The following ABCB1 variants were observed in gnomAD, a reference collection of about 807,000 sequenced individuals.
The protein encoded by ABCB1 is ATP binding cassette subfamily B member 1.
ABCB1 carries 69 observed loss-of-function variants against 142.0 expected under a neutral mutation model. The ratio of observed to expected loss-of-function variants is 0.49; its 90% CI spans 0.40 to 0.59. The LOEUF is 0.59. Ranked by LOEUF, ABCB1 falls within the 20% of genes least tolerant of loss-of-function variation. The pLI is 0.00. For missense variants in ABCB1, 1,326 were observed against 1,554.7 expected (o/e 0.85, Z 2.47); for synonymous variants, 532 against 539.2 (o/e 0.99, Z 0.18).
rs1245427018 is a variant in ABCB1 at position 87,703,887 on chromosome 7, TTTTTTTTTTTTTTTTTTTTTTTTTTGG to T, written c.-331+9247_-331+9273del. On this transcript the variant is annotated intron_variant, in intron 1 of 28. Transcript: ENST00000265724. ...TAGGTGAGCTTTATCAGTTTTTTCTTTTTTTTTTTTTTTTTTTTTTTTTTTGGTTTTTTTTTTTTTTTTTTTTTTTTT... is the reference window on the plus strand; with the variant it reads ...TAGGTGAGCTTTATCAGTTTTTTCTTTTTTTTTTTTTTTTTTTTTTTTTTT... 3.6e-3 allele frequency among the ~76,000 whole-genome samples: 193 copies of T among 52,956 alleles called. 3 individuals carry two copies. The highest frequency in any genetic ancestry group is 4.9e-3 in the Non-Finnish European group (138 of 28,356). The allele number at this position is 52,956 out of a possible 152,430, so 34.7% of individuals were successfully genotyped here. A position where few individuals can be genotyped will look rare whatever the true frequency, so the allele number is the denominator to read the frequency against.
chr7:87,634,225 G>A (rs1480067204), intron 1 of ABCB1, among the ~76,000 whole-genome samples: 1 of 152,006 alleles, frequency 6.6e-6, no homozygotes, highest in Non-Finnish European at 1.5e-5. Flanking sequence ...TTCCTGCTAG[G>A]CCCCACCTCC....
chr7:87,699,250 T>C (rs563862621), intron 1 of ABCB1, among the ~76,000 whole-genome samples: 3 of 152,190 alleles, frequency 2.0e-5, no homozygotes, highest in African/African-American at 7.2e-5. Context: ...TTTCAAAATA[T>C]GAAAGCAAAT....
chr7:87,566,374 G>T (rs1400516790), intron 6 of ABCB1, 133 bp from the exon 7 acceptor site: 12 of 920,614 alleles, frequency 1.3e-5, no homozygotes, highest in Admixed American at 1.0e-4. Context: ...ATTTAGCAGG[G>T]TAGAAGTTTC....
At chr7:87,686,397 TG>T (rs1444041288) in intron 1 of ABCB1, among the ~76,000 whole-genome samples, 1 of 152,154 alleles carries the variant, frequency 6.6e-6, no homozygotes, top group African/African-American at 2.4e-5. Context: ...CTGTTTTTCT[TG>T]GATGGGTGAG....
chr7:87,561,257 T>G lies in ABCB1; in HGVS notation c.827+6A>C, dbSNP rs534095506. The stretch of plus-strand genomic sequence containing the variant: ...ATATCTATCCATTTAAAAAAGAAAC[T>G]CAAACCTTTCAAGTTCTTTCTTTTG... On this transcript the variant is annotated splice_donor_region_variant and intron_variant, in intron 8 of 27. Coordinates refer to ENST00000622132, the MANE Select transcript of ABCB1 (RefSeq NM_001348946.2). The G allele has an allele frequency of 1.2e-6, 2 of 1,613,622 alleles. No homozygotes were observed. The highest frequency in any genetic ancestry group is 1.1e-5 in the South Asian group (1 of 91,030).
At chr7:87,639,264 A>G (rs990500500) in intron 1 of ABCB1, among the ~76,000 whole-genome samples, 8 of 151,962 alleles carry the variant, frequency 5.3e-5, no homozygotes, top group Admixed American at 3.9e-4. Flanking sequence ...CAGAGAACAT[A>G]TTCTGAAAGA....
At chr7:87,538,868 T>C (rs1397565204) in intron 19 of ABCB1, among the ~76,000 whole-genome samples, 1 of 151,728 alleles carries the variant, frequency 6.6e-6, no homozygotes, top group Non-Finnish European at 1.5e-5. Flanking sequence ...AGTTTTGATT[T>C]GCGGAAAGAA....
At chr7:87,563,271 C>A in intron 7 of ABCB1, 1 of 344,192 alleles carries the variant, frequency 2.9e-6, no homozygotes, top group Non-Finnish European at 5.9e-6. Flanking sequence ...TGAAAATGTT[C>A]CAAAAAATTT....
At chr7:87,577,842 G>A (rs1818338089) in intron 4 of ABCB1, among the ~76,000 whole-genome samples, 1 of 152,172 alleles carries the variant, frequency 6.6e-6, no homozygotes, top group Non-Finnish European at 1.5e-5. Context: ...TGGATAGCTT[G>A]CAAATACTTT....
intron 25 of ABCB1, among the ~76,000 whole-genome samples, chr7:87,510,856 G>C (rs28401803): frequency 1.5e-3 from 223 of 152,326 alleles, no homozygotes; most frequent in Middle Eastern, 3.4e-3. Context: ...GTGGAAAGTA[G>C]AGGGTGGAGA....
intron 1 of ABCB1, chr7:87,650,985 A>C (rs1823515686): frequency 9.3e-7 from 1 of 1,078,712 alleles, no homozygotes; most frequent in Non-Finnish European, 1.4e-6. Context: ...TGTCTTTATA[A>C]TAAGCTTGAA....
chr7:87,587,221 T>C (rs1245353928), intron 3 of ABCB1, among the ~76,000 whole-genome samples: 10 of 152,126 alleles, frequency 6.6e-5, no homozygotes, highest in Non-Finnish European at 1.3e-4. Context: ...AGATAAAATA[T>C]CAAACTCCTT....
intron 19 of ABCB1, 67 bp downstream of exon 19, chr7:87,539,201 G>C: frequency 6.6e-7 from 1 of 1,509,084 alleles, no homozygotes; most frequent in South Asian, 1.1e-5. Flanking sequence ...AGCTCCCACT[G>C]TCTGAGTCCA....
intron 1 of ABCB1, among the ~76,000 whole-genome samples, chr7:87,710,363 G>A (rs1379576539): frequency 6.6e-6 from 1 of 152,012 alleles, no homozygotes; most frequent in Non-Finnish European, 1.5e-5. Context: ...AGTTTGACAT[G>A]CTGTACCCTA....
intron 1 of ABCB1, among the ~76,000 whole-genome samples, chr7:87,626,128 CATATATATGTGTCATATATATTGTCAT>C (rs1820460982): frequency 1.5e-5 from 2 of 133,804 alleles, no homozygotes; most frequent in South Asian, 2.5e-4. Flanking sequence ...TATATATTGT[CATATATATGTGTCATATATATTGTCAT>C]ATATATGTGT....
intron 3 of ABCB1, among the ~76,000 whole-genome samples, chr7:87,593,976 A>C (rs1263295555): frequency 6.6e-6 from 1 of 152,214 alleles, no homozygotes; most frequent in Non-Finnish European, 1.5e-5. Context: ...GCTTCTTGGA[A>C]ACCCTGAACA....
intron 21 of ABCB1, among the ~76,000 whole-genome samples, chr7:87,523,338 A>G (rs1431655519): frequency 1.3e-5 from 2 of 152,100 alleles, no homozygotes; most frequent in East Asian, 3.9e-4. Context: ...GTTTTCCAGA[A>G]AGTTTTGGGC....
rs987320733 is a variant in ABCB1 at position 87,674,368 on chromosome 7, G to T, written c.-331+38793C>A. On this transcript the variant is annotated intron_variant, in intron 1 of 28. Transcript: ENST00000265724. ...TGGCAGGAGCAGGGTGCTGGCAGGG[G>T]TGTGGTTGCTGGTATCATTGTGTGC... 8.5e-5 allele frequency among the ~76,000 whole-genome samples: 13 copies of T among 152,140 alleles called. 1 individual carries two copies. Among genetic ancestry groups the T allele is most frequent in the Admixed American group, 8.5e-4 (13 of 15,276 alleles).
intron 14 of ABCB1, among the ~76,000 whole-genome samples, chr7:87,548,025 A>AAAGAT (rs538657386): frequency 4.4e-4 from 65 of 149,154 alleles, no homozygotes; most frequent in East Asian, 3.2e-3. Flanking sequence ...CAAGAAAAGA[A>AAAGAT]AAGATAAGAT....
Sources: gnomAD v4.1 joint callset for allele counts (sites outside exome capture counted in the v4.1 genomes callset) on GRCh38, gnomAD v4.1.1 for gene constraint, MANE v1.5 for transcripts, NCBI Gene and HGNC (gene_info 2026-07-23, HGNC 2026-07-21) for gene names.